Variants in VAV3 observed in about 807,000 individuals in gnomAD.
The protein encoded by VAV3 is guanine nucleotide exchange factor VAV3.
In VAV3, 94 loss-of-function variants were observed where a neutral mutation model predicts 131.2. The observed-to-expected ratio is 0.72, with a 90% CI of 0.61 to 0.85. The LOEUF (loss-of-function observed/expected upper bound fraction) is 0.85, where lower values mean the gene tolerates loss of function less well. VAV3 is among the 40% of genes least tolerant of loss of function. The pLI is 0.00. For missense variants in VAV3, 939 were observed against 1,002.7 expected, an observed-to-expected ratio of 0.94 and a Z score of 0.86; for synonymous variants, 349 against 342.0, an observed-to-expected ratio of 1.02 and a Z score of -0.22.
intron 2 of VAV3, chr1:107,785,689 G>A (rs770266538): frequency 2.8e-4 from 314 of 1,102,908 alleles, no homozygotes; most frequent in Non-Finnish European, 3.4e-4. Flanking sequence ...AGGGAACTGG[G>A]AGTGTGGGCA....
intron 22 of VAV3, 138 bp downstream of exon 22, chr1:107,609,793 G>A: frequency 1.2e-6 from 1 of 818,768 alleles, no homozygotes; most frequent in Non-Finnish European, 2.0e-6. Context: ...ATTCATTATG[G>A]TGTTTTGTTA....
At chr1:107,919,732 A>G (rs1351126464) in intron 1 of VAV3, among the ~76,000 whole-genome samples, 1 of 152,210 alleles carries the variant, frequency 6.6e-6, no homozygotes, top group Non-Finnish European at 1.5e-5. Flanking sequence ...AGACCTATAG[A>G]ATATTTCCAT....
At chr1:107,875,104 T>C (rs1452020057) in intron 1 of VAV3, 87 bp from the exon 2 acceptor site, 3 of 1,160,710 alleles carry the variant, frequency 2.6e-6, no homozygotes, top group Non-Finnish European at 3.8e-6. Flanking sequence ...GCTCTAAAAA[T>C]GACAAGAAAG....
At chr1:107,934,885 C>T (rs1026540840) in intron 1 of VAV3, among the ~76,000 whole-genome samples, 1 of 152,216 alleles carries the variant, frequency 6.6e-6, no homozygotes, top group Non-Finnish European at 1.5e-5. Context: ...TGAGAGGAGA[C>T]GTGCTACAAG....
At chr1:107,586,400 A>G (rs1405401188) in intron 25 of VAV3, among the ~76,000 whole-genome samples, 1 of 152,202 alleles carries the variant, frequency 6.6e-6, no homozygotes, top group Non-Finnish European at 1.5e-5. Context: ...AATGGTGAAG[A>G]TGCAACAACT....
At chr1:107,597,843 T>A (rs1259799302) in intron 24 of VAV3, among the ~76,000 whole-genome samples, 3 of 152,168 alleles carry the variant, frequency 2.0e-5, no homozygotes, top group African/African-American at 7.2e-5. Context: ...TGTGAAAAAC[T>A]GTAACAGCTA....
At chr1:107,905,924 A>G (rs1672085425) in intron 1 of VAV3, among the ~76,000 whole-genome samples, 1 of 152,210 alleles carries the variant, frequency 6.6e-6, no homozygotes, top group African/African-American at 2.4e-5. Context: ...ACACTAGATA[A>G]AAGCTGGTAT....
chr1:107,709,329 G>A (rs973834931), intron 15 of VAV3, among the ~76,000 whole-genome samples: 1 of 152,080 alleles, frequency 6.6e-6, no homozygotes, highest in Non-Finnish European at 1.5e-5. Flanking sequence ...GAAAAAATAT[G>A]CTTTTACTGT....
chr1:107,877,097 C>G (rs966381860), intron 1 of VAV3, among the ~76,000 whole-genome samples: 6 of 152,096 alleles, frequency 3.9e-5, no homozygotes, highest in Admixed American at 6.6e-5. Context: ...GGGATTAAAA[C>G]CACAAGGGAA....
chr1:107,753,930 T>C (rs1435575720), intron 12 of VAV3, among the ~76,000 whole-genome samples: 5 of 152,130 alleles, frequency 3.3e-5, no homozygotes, highest in Admixed American at 3.3e-4. Flanking sequence ...TATGGAATTC[T>C]AAAGAGGAAA....
chr1:107,624,869 C>A (rs1333056454), intron 20 of VAV3, among the ~76,000 whole-genome samples: 2 of 152,190 alleles, frequency 1.3e-5, no homozygotes, highest in African/African-American at 4.8e-5. Context: ...TGGACACAAT[C>A]TTCAAGGATC....
At chr1:107,862,880 T>C (rs1018973568) in intron 2 of VAV3, 63 of 152,176 alleles carry the variant, frequency 4.1e-4, no homozygotes, top group African/African-American at 1.5e-3. Context: ...ATAGAAATGA[T>C]AAACCCCAAA....
chr1:107,866,075 AG>A (rs1034266603), intron 2 of VAV3, among the ~76,000 whole-genome samples: 2 of 152,188 alleles, frequency 1.3e-5, no homozygotes, highest in Admixed American at 1.3e-4. Flanking sequence ...CCCACCCTAA[AG>A]GAAGAATCAT....
chr1:107,736,618 A>G (rs1662655502), intron 15 of VAV3, among the ~76,000 whole-genome samples: 1 of 152,192 alleles, frequency 6.6e-6, no homozygotes, highest in Admixed American at 6.5e-5. Context: ...CTACAAAGAG[A>G]ATAAAATACC....
intron 1 of VAV3, among the ~76,000 whole-genome samples, chr1:107,923,824 C>G (rs1350435046): frequency 6.6e-6 from 1 of 152,114 alleles, no homozygotes; most frequent in Non-Finnish European, 1.5e-5. Context: ...GACACAAAGC[C>G]TAACCATATC....
At chr1:107,935,947 T>C (rs1311222512) in intron 1 of VAV3, among the ~76,000 whole-genome samples, 1 of 152,124 alleles carries the variant, frequency 6.6e-6, no homozygotes, top group Non-Finnish European at 1.5e-5. Context: ...GAGGTGAAAA[T>C]ACCCCATCAG....
Position 107,722,840 on chromosome 1 carries a change from C to CTT in VAV3, c.1503-17781_1503-17780dup, listed in dbSNP as rs374127110. On this transcript the variant is annotated intron_variant, in intron 15 of 26. Coordinates refer to ENST00000370056, the MANE Select transcript of VAV3 (RefSeq NM_006113.5). ...GTGTCAGAAAGCCCTATTATCCTCT[C>CTT]TTTTTTTTTTTTTTTGTACGCTTAC... is the stretch of plus-strand genomic sequence containing the variant. 7.0e-3 allele frequency among the ~76,000 whole-genome samples: 907 copies of CTT among 129,774 alleles called. 22 individuals carry two copies. Among genetic ancestry groups the CTT allele is most frequent in the Middle Eastern group, 0.027 (6 of 222 alleles). The allele number at this position is 129,774 out of a possible 152,430, so 85.1% of individuals were successfully genotyped here. A position where few individuals can be genotyped will look rare whatever the true frequency, so the allele number is the denominator to read the frequency against.
chr1:107,729,972 A>G (rs756178883), intron 15 of VAV3, among the ~76,000 whole-genome samples: 2 of 152,192 alleles, frequency 1.3e-5, no homozygotes, highest in Non-Finnish European at 2.9e-5. Context: ...ACAGATAAAT[A>G]ACAATATGTG....
chr1:107,795,489 T>C (rs1666492540), intron 2 of VAV3, among the ~76,000 whole-genome samples: 1 of 152,200 alleles, frequency 6.6e-6, no homozygotes, highest in Non-Finnish European at 1.5e-5. Context: ...CTATTGTCTG[T>C]TTTCTTTTTA....
Sources: gnomAD v4.1 joint callset for allele counts (sites outside exome capture counted in the v4.1 genomes callset) on GRCh38, gnomAD v4.1.1 for gene constraint, MANE v1.5 for transcripts, NCBI Gene and HGNC (gene_info 2026-07-23, HGNC 2026-07-21) for gene names.